SGMS1: variants seen among roughly 807,000 people sequenced by gnomAD.
The protein encoded by SGMS1 is sphingomyelin synthase 1.
A neutral mutation model predicts 46.2 loss-of-function variants in SGMS1; 13 were observed. The ratio of observed to expected loss-of-function variants is 0.28; its 90% CI spans 0.18 to 0.45. The LOEUF (loss-of-function observed/expected upper bound fraction) is 0.45, where lower values mean the gene tolerates loss of function less well. Ranked by LOEUF, SGMS1 falls within the 20% of genes least tolerant of loss-of-function variation. The pLI is 1.00. For missense variants in SGMS1, 324 were observed against 519.9 expected (o/e 0.62, Z 3.66); for synonymous variants, 203 against 187.8 (o/e 1.08, Z -0.66).
At chr10:50,434,643 G>A (rs1014784396) in intron 5 of SGMS1, among the ~76,000 whole-genome samples, 1 of 151,620 alleles carries the variant, frequency 6.6e-6, no homozygotes. Context: ...TTGGGTGGCT[G>A]AGACGGGCAG....
intron 2 of SGMS1, among the ~76,000 whole-genome samples, chr10:50,523,005 G>A (rs1837869459): frequency 6.6e-6 from 1 of 152,106 alleles, no homozygotes; most frequent in South Asian, 2.1e-4. Flanking sequence ...ACCATGCTCT[G>A]CTAGGGTTCA....
intron 2 of SGMS1, among the ~76,000 whole-genome samples, chr10:50,571,312 T>C (rs1838334604): frequency 6.6e-6 from 1 of 152,218 alleles, no homozygotes; most frequent in Non-Finnish European, 1.5e-5. Context: ...CCTAGAAATG[T>C]CATGAACAGA....
intron 2 of SGMS1, among the ~76,000 whole-genome samples, chr10:50,578,222 G>A (rs1838401947): frequency 6.6e-6 from 1 of 152,202 alleles, no homozygotes. Context: ...AAGCATTTAT[G>A]AGGGATCAAA....
chr10:50,436,725 T>C (rs1013195839), intron 5 of SGMS1, among the ~76,000 whole-genome samples: 1 of 152,174 alleles, frequency 6.6e-6, no homozygotes, highest in Non-Finnish European at 1.5e-5. Context: ...GAAGACTGGC[T>C]GGCATCAAAA....
intron 7 of SGMS1, among the ~76,000 whole-genome samples, chr10:50,336,978 T>A (rs1847726694): frequency 1.3e-5 from 2 of 152,342 alleles, no homozygotes; most frequent in Admixed American, 1.3e-4. Flanking sequence ...AGTAAGCACA[T>A]AATTGATGCA....
At chr10:50,382,358 A>G (rs1848618931) in intron 6 of SGMS1, among the ~76,000 whole-genome samples, 1 of 152,190 alleles carries the variant, frequency 6.6e-6, no homozygotes, top group South Asian at 2.1e-4. Flanking sequence ...TGACATCTAT[A>G]TCACAGATAT....
chr10:50,486,660 C>G (rs1272229566), intron 3 of SGMS1, among the ~76,000 whole-genome samples: 1 of 152,172 alleles, frequency 6.6e-6, no homozygotes, highest in African/African-American at 2.4e-5. Context: ...CAAGAAACAA[C>G]AGATGCTGGT....
intron 1 of SGMS1, among the ~76,000 whole-genome samples, chr10:50,604,352 G>A (rs1276946171): frequency 6.6e-6 from 1 of 152,154 alleles, no homozygotes; most frequent in Non-Finnish European, 1.5e-5. Context: ...AGGTTCCAGG[G>A]ACGGTGTCTA....
intron 6 of SGMS1, among the ~76,000 whole-genome samples, chr10:50,416,463 A>G (rs1849171665): frequency 6.6e-6 from 1 of 152,256 alleles, no homozygotes; most frequent in Non-Finnish European, 1.5e-5. Context: ...TTATACAACT[A>G]TTAGGTGAAA....
chr10:50,487,416 C>A (rs572660134), intron 3 of SGMS1, among the ~76,000 whole-genome samples: 1 of 152,130 alleles, frequency 6.6e-6, no homozygotes, highest in African/African-American at 2.4e-5. Context: ...GTTGCTGGAG[C>A]AGCAAACCAC....
chr10:50,336,511 G>C (rs1436215), intron 7 of SGMS1, among the ~76,000 whole-genome samples: 36,389 of 151,926 alleles, frequency 0.24, 5,135 homozygotes, highest in East Asian at 0.63. Flanking sequence ...AAAAATGGAC[G>C]GCTATCAAAG....
intron 6 of SGMS1, among the ~76,000 whole-genome samples, chr10:50,363,139 C>T (rs1039244274): frequency 2.0e-5 from 3 of 151,978 alleles, no homozygotes; most frequent in African/African-American, 7.3e-5. Flanking sequence ...CTCACTGTCT[C>T]CAAAAACTCC....
intron 2 of SGMS1, among the ~76,000 whole-genome samples, chr10:50,583,386 G>A (rs999804060): frequency 2.0e-4 from 31 of 152,152 alleles, no homozygotes; most frequent in African/African-American, 7.2e-4. Flanking sequence ...CACCCTTGGA[G>A]GGAACCATTC....
At chr10:50,426,358 A>G (rs1419498163) in intron 6 of SGMS1, among the ~76,000 whole-genome samples, 1 of 152,270 alleles carries the variant, frequency 6.6e-6, no homozygotes, top group Non-Finnish European at 1.5e-5. Flanking sequence ...ATTTATCAAC[A>G]TTAATGGTAT....
intron 3 of SGMS1, among the ~76,000 whole-genome samples, chr10:50,488,846 T>C (rs1837545034): frequency 6.6e-6 from 1 of 152,196 alleles, no homozygotes; most frequent in Admixed American, 6.5e-5. Flanking sequence ...GCCAATGCTC[T>C]CCTATCATTC....
intron 3 of SGMS1, among the ~76,000 whole-genome samples, chr10:50,498,198 G>A (rs1363405680): frequency 6.6e-6 from 1 of 152,222 alleles, no homozygotes; most frequent in Non-Finnish European, 1.5e-5. Context: ...GGGGATCATG[G>A]TAACTTAACA....
chr10:50,469,881 C>T (rs1268415689), intron 3 of SGMS1, among the ~76,000 whole-genome samples: 3 of 152,194 alleles, frequency 2.0e-5, no homozygotes, highest in African/African-American at 7.2e-5. Context: ...CAAAATTCTG[C>T]AAGGCATTGG....
chr10:50,452,948 G>A (rs1055052782), intron 5 of SGMS1, among the ~76,000 whole-genome samples: 3 of 152,156 alleles, frequency 2.0e-5, no homozygotes, highest in Non-Finnish European at 4.4e-5. Context: ...AGAATATAAT[G>A]TAAAGAGTGT....
chr10:50,331,246 C>T (rs529122406), intron 7 of SGMS1, among the ~76,000 whole-genome samples: 1 of 152,318 alleles, frequency 6.6e-6, no homozygotes, highest in Admixed American at 6.5e-5. Flanking sequence ...GTGTCATTTA[C>T]TTCTTAAGAC....
Sources: gnomAD v4.1 joint callset for allele counts (sites outside exome capture counted in the v4.1 genomes callset) on GRCh38, gnomAD v4.1.1 for gene constraint, MANE v1.5 for transcripts, NCBI Gene and HGNC (gene_info 2026-07-23, HGNC 2026-07-21) for gene names.